The following DAPK3 variants were observed in gnomAD, a reference collection of about 807,000 sequenced individuals.
DAPK3 encodes the protein death-associated protein kinase 3.
In DAPK3, 24 loss-of-function variants were observed where a neutral mutation model predicts 30.6. The observed-to-expected ratio is 0.78, with a 90% confidence interval of 0.57 to 1.10. The LOEUF (loss-of-function observed/expected upper bound fraction) is 1.10, where lower values mean the gene tolerates loss of function less well. Ranked by LOEUF, DAPK3 falls within the 50% of genes least tolerant of loss-of-function variation. The pLI, the probability that DAPK3 is intolerant of heterozygous loss-of-function variation, is 0.00. For missense variants in DAPK3, 629 were observed against 657.3 expected, an observed-to-expected ratio of 0.96 and a Z score of 0.47; for synonymous variants, 341 against 284.0, an observed-to-expected ratio of 1.20 and a Z score of -2.02.
intron 6 of DAPK3, chr19:3,961,670 G>A (rs925877307): frequency 4.6e-5 from 17 of 372,242 alleles, no homozygotes; most frequent in African/African-American, 1.1e-4. Flanking sequence ...GAGACTAAAC[G>A]TGGACTCAGA....
In DAPK3 at chr19:3,959,200, C is replaced by T. The variant is rs756397002; in HGVS notation, c.1266G>A (p.Ala422=). 3.8e-6 allele frequency: 6 copies of T among 1,598,986 alleles called. No homozygotes were observed. Among genetic ancestry groups the T allele is most frequent in the Admixed American group, 3.4e-5 (2 of 59,350 alleles). The stretch of plus-strand genomic sequence containing the variant: ...TCTCGGAGGCTACTTGCTTGGCCAG[C>T]GCCTCGTAGCGGTTCTCCAGGCGGC... ...RFSRLENRYE[A]LAKQVASEMR... Residue 422 remains alanine (A), a synonymous_variant, in exon 9 of 9, where the codon GCG becomes GCA. Transcript: ENST00000545797.
At chr19:3,961,331 C>A (rs2039509034) in intron 6 of DAPK3, 170 bp from the exon 7 acceptor site, 8 of 740,368 alleles carry the variant, frequency 1.1e-5, no homozygotes, top group Non-Finnish European at 1.8e-5. Flanking sequence ...CCAGACACCA[C>A]CCAAGAGGCA....
chr19:3,959,913 C>A, intron 8 of DAPK3, 146 bp downstream of exon 8: 1 of 693,232 alleles, frequency 1.4e-6, no homozygotes, highest in Non-Finnish European at 2.6e-6. Flanking sequence ...ACCCAACCCC[C>A]GCCACACAGG....
intron 7 of DAPK3, 101 bp downstream of exon 7, chr19:3,960,908 G>A (rs943844035): frequency 1.6e-5 from 20 of 1,219,680 alleles, no homozygotes; most frequent in South Asian, 5.4e-5. Context: ...ATCCCCAGCC[G>A]CAGGGAGGTG....
rs1181884901 is a variant in DAPK3 at position 3,961,088 on chromosome 19, C to T, written c.703G>A (p.Asp235Asn). The T allele has an allele frequency of 1.9e-6, 3 of 1,613,754 alleles. No homozygotes were observed. The highest frequency in any genetic ancestry group is 1.3e-5 in the African/African-American group (1 of 74,954). Residue 235 changes from aspartate to asparagine, a missense_variant, in exon 7 of 9, where the codon GAC (aspartate) becomes AAC (asparagine). This residue lies in a region of DAPK3 where 306 missense variants were observed against 378.5 expected (regional missense o/e 0.81). Coordinates refer to ENST00000545797, the MANE Select transcript of DAPK3 (RefSeq NM_001348.3). ...TLTNISAVNY[D>N]FDEEYFSNTS... Reference sequence around the variant, plus strand: ...TTGCTGAAGTACTCCTCGTCGAAGTCGTAGTTCACGGCTGAGATGTTGGTG... The same window carrying T: ...TTGCTGAAGTACTCCTCGTCGAAGTTGTAGTTCACGGCTGAGATGTTGGTG...
chr19:3,962,291 G>T (rs1276198309), intron 6 of DAPK3, among the ~76,000 whole-genome samples: 1 of 152,220 alleles, frequency 6.6e-6, no homozygotes, highest in Non-Finnish European at 1.5e-5. Flanking sequence ...TTGCTCCTTT[G>T]TAAGTCTGAA....
In DAPK3 at chr19:3,963,712, G is replaced by A. The variant is rs776068564; in HGVS notation, c.603-43C>T. Reference sequence around the variant, plus strand: ...GCAAGGGTCAGCGCAGCGTGGGGCCGCCCACCCTCCCAGGACCGTGGCGTC... The same window carrying A: ...GCAAGGGTCAGCGCAGCGTGGGGCCACCCACCCTCCCAGGACCGTGGCGTC... On this transcript the variant is annotated intron_variant, in intron 5 of 8. Coordinates refer to ENST00000545797, the MANE Select transcript of DAPK3 (RefSeq NM_001348.3). 9.0e-5 allele frequency: 134 copies of A among 1,494,796 alleles called. No homozygotes were observed. In the Middle Eastern group the frequency reaches 1.9e-3, roughly 21 times the overall value. 92.6% of individuals were successfully genotyped at this position (1,494,796 alleles called of 1,614,324 possible).
Position 3,960,118 on chromosome 19 carries a change from G to T in DAPK3, c.783-14C>A. 1.3e-6 allele frequency: 2 copies of T among 1,483,170 alleles called. No individual in the cohort carries two copies. Among genetic ancestry groups the T allele is most frequent in the Non-Finnish European group, 1.9e-6 (2 of 1,061,084 alleles). The allele number at this position is 1,483,170 out of a possible 1,614,324, so 91.9% of individuals were successfully genotyped here. On this transcript the variant is annotated splice_polypyrimidine_tract_variant and intron_variant, in intron 7 of 8. Coordinates refer to ENST00000545797, the MANE Select transcript of DAPK3 (RefSeq NM_001348.3). ...GTCATTCTCCGCCTGGAAGACCCCC[G>T]CTCTGGTTAGGTACACCTGCACCAT...
intron 2 of DAPK3, among the ~76,000 whole-genome samples, chr19:3,969,130 CAG>C: frequency 6.6e-6 from 1 of 152,006 alleles, no homozygotes; most frequent in South Asian, 2.1e-4. Context: ...AGGATTAACA[CAG>C]GGAGATTTTT....
At chr19:3,970,551 T>C (rs1213500009) in intron 1 of DAPK3, 1 of 152,152 alleles carries the variant, frequency 6.6e-6, no homozygotes, top group East Asian at 1.9e-4. Context: ...GACGACGCCT[T>C]CCACGCTCCT....
Position 3,959,113 on chromosome 19 carries a change from G to A in DAPK3, c.1353C>T (p.Cys451=), listed in dbSNP as rs1037470105. The A allele has an allele frequency of 3.2e-6, 5 of 1,551,906 alleles. No homozygotes were observed. Among genetic ancestry groups the A allele is most frequent in the African/African-American group, 1.4e-5 (1 of 73,696 alleles). Residue 451 remains cysteine (C), a synonymous_variant, in exon 9 of 9, where the codon TGC becomes TGT. Transcript: ENST00000545797. ...LEQEKLQGVE[C]GLR The stretch of plus-strand genomic sequence containing the variant: ...CACCCCACTGCGCCTAGCGCAGCCC[G>A]CACTCCACGCCCTGCAGCTTCTCCT...
At chr19:3,964,174 A>AC (rs2039548881) in intron 4 of DAPK3, 70 bp downstream of exon 4, 1 of 1,363,718 alleles carries the variant, frequency 7.3e-7, no homozygotes, top group African/African-American at 1.4e-5. Flanking sequence ...GGCATGACCC[A>AC]CCCCACGCAC....
intron 7 of DAPK3, 96 bp downstream of exon 7, chr19:3,960,913 G>A (rs2039503562): frequency 7.6e-7 from 1 of 1,316,372 alleles, no homozygotes; most frequent in South Asian, 1.3e-5. Flanking sequence ...CAGCCGCAGG[G>A]AGGTGGCGCT....
chr19:3,969,399 G>A (rs2039612252), intron 2 of DAPK3, among the ~76,000 whole-genome samples: 1 of 152,146 alleles, frequency 6.6e-6, no homozygotes, highest in Non-Finnish European at 1.5e-5. Context: ...GCTGGCATCT[G>A]TTGCTCTGGT....
chr19:3,965,175 G>A (rs919744531), intron 2 of DAPK3, among the ~76,000 whole-genome samples, 184 bp from the exon 3 acceptor site: 4 of 152,290 alleles, frequency 2.6e-5, no homozygotes, highest in African/African-American at 4.8e-5. Context: ...ATTCCTTAGC[G>A]CCCCACACCA....
intron 4 of DAPK3, 109 bp downstream of exon 4, chr19:3,964,135 C>T: frequency 9.4e-7 from 1 of 1,060,880 alleles, no homozygotes; most frequent in Non-Finnish European, 1.4e-6. Context: ...GGGGTGGCTT[C>T]AGGGCCGAGG....
intron 2 of DAPK3, among the ~76,000 whole-genome samples, chr19:3,966,845 G>A (rs534887756): frequency 6.6e-5 from 10 of 152,272 alleles, no homozygotes; most frequent in South Asian, 6.2e-4. Flanking sequence ...GACAGCCCCC[G>A]GTCTCACTGG....
At chr19:3,970,236 G>A (rs1274656714) in intron 1 of DAPK3, among the ~76,000 whole-genome samples, 1 of 152,088 alleles carries the variant, frequency 6.6e-6, no homozygotes, top group East Asian at 1.9e-4. Flanking sequence ...ATGTCTTAAC[G>A]AAGTTCTCAA....
intron 2 of DAPK3, among the ~76,000 whole-genome samples, chr19:3,965,617 C>CA (rs1402591495): frequency 6.6e-6 from 1 of 151,470 alleles, no homozygotes; most frequent in Non-Finnish European, 1.5e-5. Context: ...GATCCTGCCT[C>CA]AAAAAAATAA....
Sources: allele counts gnomAD v4.1 joint callset (sites outside exome capture counted in the v4.1 genomes callset), GRCh38; gene constraint gnomAD v4.1.1; regional missense constraint gnomAD v4.1.1; transcripts MANE v1.5; gene names NCBI Gene and HGNC (gene_info 2026-07-23, HGNC 2026-07-21).